Variants in DTNBP1 observed in about 807,000 individuals in gnomAD.
DTNBP1 encodes the protein dysbindin.
DTNBP1 carries 35 observed loss-of-function variants against 42.8 expected under a neutral mutation model. That is an observed-to-expected ratio of 0.82 (90% CI 0.63 to 1.09). The LOEUF is 1.09. Among genes scored for constraint, DTNBP1 ranks in the 50% least tolerant of loss-of-function variants. DTNBP1 has a pLI of 0.00. For missense variants in DTNBP1, 457 were observed against 424.2 expected (o/e 1.08, Z -0.68); for synonymous variants, 171 against 162.2 (o/e 1.05, Z -0.41).
intron 5 of DTNBP1, among the ~76,000 whole-genome samples, chr6:15,623,639 T>C (rs554225492): frequency 6.6e-6 from 1 of 152,304 alleles, no homozygotes; most frequent in South Asian, 2.1e-4. Context: ...ATAGGTCATA[T>C]AAAATAAACT....
chr6:15,660,478 A>G, intron 1 of DTNBP1: 1 of 1,289,830 alleles, frequency 7.8e-7, no homozygotes. Context: ...TGACAGGCTA[A>G]TGGCACACAC....
intron 7 of DTNBP1, among the ~76,000 whole-genome samples, chr6:15,558,532 G>A (rs1391577142): frequency 6.6e-6 from 1 of 152,136 alleles, no homozygotes; most frequent in South Asian, 2.1e-4. Context: ...CTCCCAAAGT[G>A]CTGGGATTAC....
rs750053150 is a variant in DTNBP1, at chr6:15,522,989, C to T, written c.1042G>A (p.Asp348Asn). Reference protein sequence around the residue: ...DREATPDGGEDSDS With the variant: ...DREATPDGGENSDS ...CATGTCCCAATTTAAGAGTCGCTGT[C>T]CTCACCACCATCCGGAGTGGCCTCT... The change falls in exon 10 of 10, where the codon GAC (aspartate) becomes AAC (asparagine). Residue 348 changes from aspartate (D) to asparagine (N), a missense_variant. Asp to Asn is a conservative substitution (Grantham distance 23). Transcript: ENST00000344537. 34 of 1,614,128 alleles carry T rather than the reference C, an allele frequency of 2.1e-5. No individual in the cohort carries two copies. Among genetic ancestry groups the T allele is most frequent in the African/African-American group, 2.7e-5 (2 of 74,938 alleles).
intron 6 of DTNBP1, among the ~76,000 whole-genome samples, chr6:15,607,394 G>A (rs1408834974): frequency 3.3e-5 from 5 of 151,978 alleles, no homozygotes; most frequent in East Asian, 1.9e-4. Flanking sequence ...CTCCACCTCC[G>A]GAGTTCAAGG....
chr6:15,631,444 G>A (rs926419561), intron 4 of DTNBP1, among the ~76,000 whole-genome samples: 1 of 151,792 alleles, frequency 6.6e-6, no homozygotes, highest in Non-Finnish European at 1.5e-5. Flanking sequence ...TGTTGTTAAA[G>A]CTCCTCTATA....
At chr6:15,642,345 C>T (rs2743863) in intron 3 of DTNBP1, among the ~76,000 whole-genome samples, 38,279 of 152,036 alleles carry the variant, frequency 0.25, 5,588 homozygotes, top group African/African-American at 0.4. Flanking sequence ...GATCACGTTC[C>T]TGCCAGCACA....
At chr6:15,597,019 C>T (rs1189435335) in intron 6 of DTNBP1, among the ~76,000 whole-genome samples, 6 of 152,194 alleles carry the variant, frequency 3.9e-5, no homozygotes, top group Middle Eastern at 3.4e-3. Flanking sequence ...TATCCATTTT[C>T]GTATACTAAA....
chr6:15,654,115 A>G (rs1413557290), intron 1 of DTNBP1, among the ~76,000 whole-genome samples: 1 of 152,252 alleles, frequency 6.6e-6, no homozygotes, highest in Admixed American at 6.5e-5. Context: ...AATATTGACA[A>G]GATCAATTCC....
At chr6:15,602,682 C>T (rs1387270212) in intron 6 of DTNBP1, among the ~76,000 whole-genome samples, 1 of 152,084 alleles carries the variant, frequency 6.6e-6, no homozygotes, top group Non-Finnish European at 1.5e-5. Flanking sequence ...ATCAATCTAA[C>T]TTTGGAAAAA....
At chr6:15,542,564 G>A (rs537761354) in intron 7 of DTNBP1, among the ~76,000 whole-genome samples, 3 of 152,092 alleles carry the variant, frequency 2.0e-5, no homozygotes, top group African/African-American at 7.2e-5. Context: ...TAGAGACAGG[G>A]TTTCACATTG....
At chr6:15,533,566 T>A in intron 7 of DTNBP1, 171 bp from the exon 8 acceptor site, 1 of 1,093,728 alleles carries the variant, frequency 9.1e-7, no homozygotes, top group Non-Finnish European at 1.4e-6. Context: ...CCCAATCTGC[T>A]GCACTTCCTC....
intron 6 of DTNBP1, among the ~76,000 whole-genome samples, chr6:15,598,876 T>C (rs1776615820): frequency 6.6e-6 from 1 of 152,212 alleles, no homozygotes; most frequent in African/African-American, 2.4e-5. Context: ...ACTGTAAAAA[T>C]GGCATTATAT....
At chr6:15,583,753 G>A (rs1287067496) in intron 7 of DTNBP1, among the ~76,000 whole-genome samples, 2 of 152,108 alleles carry the variant, frequency 1.3e-5, no homozygotes, top group African/African-American at 2.4e-5. Context: ...ACAACAAAAC[G>A]TTGTCCTGAT....
chr6:15,611,433 T>C (rs900688465), intron 6 of DTNBP1, among the ~76,000 whole-genome samples: 1 of 152,228 alleles, frequency 6.6e-6, no homozygotes, highest in Non-Finnish European at 1.5e-5. Context: ...CGTTGTTTCA[T>C]TGTTGTGAAC....
chr6:15,612,125 T>C (rs955900017), intron 6 of DTNBP1, among the ~76,000 whole-genome samples: 2 of 152,220 alleles, frequency 1.3e-5, no homozygotes, highest in African/African-American at 4.8e-5. Context: ...ATTAAGATAA[T>C]GCCACAGCCA....
At chr6:15,563,414 CA>C (rs1216385765) in intron 7 of DTNBP1, among the ~76,000 whole-genome samples, 3 of 152,112 alleles carry the variant, frequency 2.0e-5, no homozygotes, top group Non-Finnish European at 4.4e-5. Flanking sequence ...ACAGGGTTAA[CA>C]AGAATTCTGG....
chr6:15,574,576 T>C (rs1478218318), intron 7 of DTNBP1, among the ~76,000 whole-genome samples: 4 of 152,242 alleles, frequency 2.6e-5, no homozygotes, highest in African/African-American at 9.6e-5. Context: ...CCAAAAATTA[T>C]TCGAAGTGAA....
intron 6 of DTNBP1, among the ~76,000 whole-genome samples, chr6:15,614,248 T>G (rs1758592896): frequency 6.6e-6 from 1 of 150,976 alleles, no homozygotes; most frequent in African/African-American, 2.4e-5. Context: ...GGTAGGGGGG[T>G]GGTGGTATAT....
intron 5 of DTNBP1, among the ~76,000 whole-genome samples, chr6:15,626,422 A>G (rs1054000247): frequency 2.0e-5 from 3 of 152,164 alleles, no homozygotes; most frequent in Non-Finnish European, 4.4e-5. Flanking sequence ...TTGCCTTGTA[A>G]ATCAGTCATG....
Sources: allele counts gnomAD v4.1 joint callset (sites outside exome capture counted in the v4.1 genomes callset), GRCh38; gene constraint gnomAD v4.1.1; transcripts MANE v1.5; gene names NCBI Gene and HGNC (gene_info 2026-07-23, HGNC 2026-07-21).